The following CSMD1 variants were observed in gnomAD, a reference collection of about 807,000 sequenced individuals.
CSMD1 encodes the protein CUB and sushi domain-containing protein 1.
A neutral mutation model predicts 417.5 loss-of-function variants in CSMD1; 213 were observed. The observed-to-expected ratio is 0.51, with a 90% CI of 0.46 to 0.57. The LOEUF is 0.57. CSMD1 is among the 20% of genes least tolerant of loss of function. The pLI, the probability that CSMD1 is intolerant of heterozygous loss-of-function variation, is 0.00. For missense variants in CSMD1, 6,923 were observed against 4,529.7 expected (o/e 1.53, Z -15.17); for synonymous variants, 2,862 against 1,736.8 (o/e 1.65, Z -16.11).
intron 2 of CSMD1, among the ~76,000 whole-genome samples, chr8:4,436,818 C>T (rs933911494): frequency 3.9e-5 from 6 of 152,162 alleles, no homozygotes; most frequent in African/African-American, 1.4e-4. Flanking sequence ...TGATCTCCAG[C>T]TCTAGCCATG....
At chr8:4,239,255 G>A (rs181519108) in intron 3 of CSMD1, among the ~76,000 whole-genome samples, 51 of 152,348 alleles carry the variant, frequency 3.3e-4, no homozygotes, top group Non-Finnish European at 7.1e-4. Context: ...TACAGTGGAT[G>A]CTGAGGTTGG....
At chr8:4,365,966 A>G (rs1327742271) in intron 3 of CSMD1, among the ~76,000 whole-genome samples, 1 of 151,938 alleles carries the variant, frequency 6.6e-6, no homozygotes, top group Non-Finnish European at 1.5e-5. Context: ...ATCCACGTAC[A>G]GGTTTGTTCA....
At position 3,255,666 on chromosome 8, in the gene CSMD1, C is replaced by T. The variant is rs192119424; in HGVS notation, c.4154-25435G>A. ...CTCTGTGGGCGTAGGACCCTCTGAGCCATGCACGGGATATAATCTCCTGGT... is the reference window on the plus strand; with the variant it reads ...CTCTGTGGGCGTAGGACCCTCTGAGTCATGCACGGGATATAATCTCCTGGT... On this transcript the variant is annotated intron_variant, in intron 26 of 69. Coordinates refer to ENST00000635120, the MANE Select transcript of CSMD1 (RefSeq NM_033225.6). Among the ~76,000 whole-genome samples, 72 of 152,358 alleles carry T rather than the reference C, an allele frequency of 4.7e-4. 1 individual carries two copies. The highest frequency in any genetic ancestry group is 1.5e-3 in the African/African-American group (61 of 41,590).
At chr8:4,327,270 T>A (rs1875894) in intron 3 of CSMD1, among the ~76,000 whole-genome samples, 4 of 152,280 alleles carry the variant, frequency 2.6e-5, no homozygotes, top group African/African-American at 9.6e-5. Context: ...TTACAGTCAA[T>A]TGCTCTTTAA....
chr8:3,616,267 G>T (rs1475154211), intron 8 of CSMD1, among the ~76,000 whole-genome samples: 2 of 152,132 alleles, frequency 1.3e-5, no homozygotes, highest in Non-Finnish European at 2.9e-5. Context: ...CCCTCATGCT[G>T]TTCTCATGTT....
At chr8:3,783,619 G>A (rs1799298094) in intron 5 of CSMD1, among the ~76,000 whole-genome samples, 2 of 152,198 alleles carry the variant, frequency 1.3e-5, no homozygotes, top group Non-Finnish European at 2.9e-5. Flanking sequence ...GGAAGCCCTG[G>A]ATGCAGCTGG....
intron 12 of CSMD1, among the ~76,000 whole-genome samples, chr8:3,445,910 G>T (rs1815274081): frequency 6.6e-6 from 1 of 152,152 alleles, no homozygotes. Context: ...CTATCATCTT[G>T]ACTCCAAAGA....
At chr8:4,129,139 C>A (rs2130971863) in intron 3 of CSMD1, among the ~76,000 whole-genome samples, 1 of 150,848 alleles carries the variant, frequency 6.6e-6, no homozygotes, top group African/African-American at 2.4e-5. Context: ...GCTTTTGTTT[C>A]ATCTGTACTT....
intron 5 of CSMD1, among the ~76,000 whole-genome samples, chr8:3,760,091 G>T (rs1298284889): frequency 2.0e-5 from 3 of 151,958 alleles, no homozygotes; most frequent in African/African-American, 7.3e-5. Flanking sequence ...AAAACAAGGG[G>T]GTTGAGAAGT....
intron 26 of CSMD1, among the ~76,000 whole-genome samples, chr8:3,255,137 C>G (rs1800555817): frequency 6.6e-6 from 1 of 152,138 alleles, no homozygotes; most frequent in African/African-American, 2.4e-5. Flanking sequence ...GAGGTCCACT[C>G]CAGAACCTAT....
At chr8:3,297,585 G>T (rs1363932624) in intron 25 of CSMD1, among the ~76,000 whole-genome samples, 2 of 152,154 alleles carry the variant, frequency 1.3e-5, no homozygotes, top group Non-Finnish European at 2.9e-5. Flanking sequence ...TCAGCAAATT[G>T]TCAATTGAAC....
intron 1 of CSMD1, among the ~76,000 whole-genome samples, chr8:4,851,458 CT>C (rs1476480850): frequency 6.6e-6 from 1 of 151,968 alleles, no homozygotes; most frequent in Non-Finnish European, 1.5e-5. Flanking sequence ...TTGTCAACCT[CT>C]ATTTTTTTTC....
intron 23 of CSMD1, among the ~76,000 whole-genome samples, chr8:3,333,099 C>T (rs1162073932): frequency 6.6e-6 from 1 of 152,160 alleles, no homozygotes; most frequent in Non-Finnish European, 1.5e-5. Context: ...GCCAGTGGCA[C>T]CAAGGAGCTG....
chr8:3,558,748 G>T (rs529226763), intron 10 of CSMD1, among the ~76,000 whole-genome samples: 1 of 151,262 alleles, frequency 6.6e-6, no homozygotes, highest in African/African-American at 2.4e-5. Context: ...CTCCTCCAAT[G>T]ATGAATAGTG....
rs1333244547 is a variant in CSMD1 at position 3,742,266 on chromosome 8, G to C, written c.931+11664C>G. 3.9e-5 allele frequency among the ~76,000 whole-genome samples: 6 copies of C among 152,248 alleles called. No homozygotes were observed. In the East Asian group the frequency reaches 9.6e-4, roughly 24 times the overall value. On this transcript the variant is annotated intron_variant, in intron 6 of 69. Transcript: ENST00000635120. ...CACCTAGACATTTTATTACTCCTAA[G>C]ATTTCAGGTAAACATAACGTTCATA... is the stretch of plus-strand genomic sequence containing the variant.
intron 3 of CSMD1, among the ~76,000 whole-genome samples, chr8:4,382,347 G>A (rs1803156114): frequency 1.3e-5 from 2 of 152,188 alleles, no homozygotes; most frequent in Non-Finnish European, 2.9e-5. Context: ...GCTCATGACT[G>A]GTCGACCAAT....
intron 7 of CSMD1, among the ~76,000 whole-genome samples, chr8:3,681,161 T>A: frequency 6.6e-6 from 1 of 152,160 alleles, no homozygotes; most frequent in Non-Finnish European, 1.5e-5. Context: ...CCACTCCTAT[T>A]CAACATAGTG....
chr8:4,321,862 G>T (rs1335059491), intron 3 of CSMD1, among the ~76,000 whole-genome samples: 1 of 152,024 alleles, frequency 6.6e-6, no homozygotes, highest in Non-Finnish European at 1.5e-5. Context: ...TCATTCAGAA[G>T]AAATGAATAA....
At chr8:4,656,124 T>C (rs1282377775) in intron 1 of CSMD1, among the ~76,000 whole-genome samples, 1 of 151,960 alleles carries the variant, frequency 6.6e-6, no homozygotes, top group African/African-American at 2.4e-5. Flanking sequence ...ATCGTGTGTG[T>C]CAATGAGAGG....
Sources: gnomAD v4.1 joint callset for allele counts (sites outside exome capture counted in the v4.1 genomes callset) on GRCh38, gnomAD v4.1.1 for gene constraint, MANE v1.5 for transcripts, NCBI Gene and HGNC (gene_info 2026-07-23, HGNC 2026-07-21) for gene names.